Variants in KDM4C observed in about 807,000 individuals in gnomAD.
The protein encoded by KDM4C is lysine demethylase 4C.
Under a neutral mutation model 129.3 loss-of-function variants are expected in KDM4C, and 81 were observed. The ratio of observed to expected loss-of-function variants is 0.63; its 90% CI spans 0.52 to 0.75. The LOEUF (loss-of-function observed/expected upper bound fraction) is 0.75. Among genes scored for constraint, KDM4C ranks in the 30% least tolerant of loss-of-function variants. KDM4C has a pLI of 0.00. For synonymous variants in KDM4C, 573 were observed against 456.1 expected (o/e 1.26, Z -3.26); for missense variants, 1,457 against 1,304.0 (o/e 1.12, Z -1.81).
intron 18 of KDM4C, among the ~76,000 whole-genome samples, chr9:7,107,902 T>C (rs1462771558): frequency 6.6e-6 from 1 of 152,232 alleles, no homozygotes; most frequent in East Asian, 1.9e-4. Context: ...AGCACTTGGC[T>C]ATCCATAGGA....
intron 1 of KDM4C, among the ~76,000 whole-genome samples, chr9:6,785,282 G>A (rs897029702): frequency 1.3e-5 from 2 of 151,442 alleles, no homozygotes; most frequent in African/African-American, 4.9e-5. Context: ...CATGACTCTA[G>A]TCCCTGCCTC....
rs1344691886 is a variant in KDM4C at position 6,867,015 on chromosome 9, ATATTT to A, written c.630-12995_630-12991del. Among the ~76,000 whole-genome samples, 901 of 114,244 alleles carry A rather than the reference ATATTT, an allele frequency of 7.9e-3. 17 individuals carry two copies. Among genetic ancestry groups the A allele is most frequent in the East Asian group, 0.056 (232 of 4,122 alleles). The allele number at this position is 114,244 out of a possible 152,430, so 74.9% of individuals were successfully genotyped here. On this transcript the variant is annotated intron_variant, in intron 5 of 21. Coordinates refer to ENST00000381309, the MANE Select transcript of KDM4C (RefSeq NM_015061.6). Reference sequence around the variant, plus strand: ...TGTGTGTGTGTATATATATATATATATATTTTTTTTTTTTTTTGGAAGATGGAATC... The same window carrying A: ...TGTGTGTGTGTATATATATATATATATTTTTTTTTTTTGGAAGATGGAATC...
intron 8 of KDM4C, among the ~76,000 whole-genome samples, chr9:6,915,743 G>C (rs1463932968): frequency 6.6e-6 from 1 of 152,078 alleles, no homozygotes; most frequent in Non-Finnish European, 1.5e-5. Flanking sequence ...CTGTATCCAA[G>C]GTATAGCCTT....
chr9:6,919,873 C>T (rs1430245114), intron 8 of KDM4C, among the ~76,000 whole-genome samples: 2 of 152,014 alleles, frequency 1.3e-5, no homozygotes, highest in Non-Finnish European at 2.9e-5. Context: ...CTGCACCTGG[C>T]CATATTTATT....
intron 1 of KDM4C, among the ~76,000 whole-genome samples, chr9:6,752,322 A>G (rs1240490021): frequency 4.6e-5 from 5 of 109,464 alleles, no homozygotes; most frequent in Non-Finnish European, 7.4e-5. Flanking sequence ...GACAGAGCGA[A>G]ACTCCGTCTC....
In KDM4C at chr9:6,944,652, G is replaced by GTTTTTTTTTTTTTTT. The variant is rs1158199897; in HGVS notation, c.922-36265_922-36251dup. On this transcript the variant is annotated intron_variant, in intron 8 of 21. Coordinates refer to ENST00000381309, the MANE Select transcript of KDM4C (RefSeq NM_015061.6). ...CAACACACTTTTTGTCAAGGTAGAG[G>GTTTTTTTTTTTTTTT]TTTTTTTTTTTTTTTTTTTTTTGCC... Among the ~76,000 whole-genome samples the GTTTTTTTTTTTTTTT allele has an allele frequency of 6.1e-3, 496 of 80,986 alleles. 93 individuals carry two copies. The highest frequency in any genetic ancestry group is 0.019 in the East Asian group (42 of 2,214). 53.1% of individuals were successfully genotyped at this position (80,986 alleles called of 152,430 possible).
chr9:6,962,952 A>G (rs1415796000), intron 8 of KDM4C, among the ~76,000 whole-genome samples: 1 of 152,224 alleles, frequency 6.6e-6, no homozygotes, highest in Non-Finnish European at 1.5e-5. Context: ...GATACATATA[A>G]GCTGTTTATG....
intron 15 of KDM4C, among the ~76,000 whole-genome samples, chr9:7,037,396 C>T (rs904704209): frequency 2.0e-5 from 3 of 152,144 alleles, no homozygotes; most frequent in African/African-American, 7.2e-5. Flanking sequence ...ACATGATTTC[C>T]CTCGGCTGCA....
chr9:6,905,157 C>G (rs1818096856), intron 8 of KDM4C, among the ~76,000 whole-genome samples: 1 of 152,106 alleles, frequency 6.6e-6, no homozygotes, highest in Non-Finnish European at 1.5e-5. Flanking sequence ...TAAATGCAAG[C>G]TTTTCTATTT....
chr9:6,841,731 C>T (rs568606236), intron 4 of KDM4C, among the ~76,000 whole-genome samples: 1 of 152,314 alleles, frequency 6.6e-6, no homozygotes, highest in African/African-American at 2.4e-5. Context: ...GTGACTATAG[C>T]TATTCCACTT....
At chr9:6,874,423 G>C (rs980109843) in intron 5 of KDM4C, among the ~76,000 whole-genome samples, 11 of 152,036 alleles carry the variant, frequency 7.2e-5, no homozygotes, top group African/African-American at 2.7e-4. Flanking sequence ...CTCATTCAGG[G>C]CATTCTGTTT....
intron 1 of KDM4C, chr9:6,723,548 C>G (rs1817026655): frequency 6.6e-6 from 1 of 151,848 alleles, no homozygotes; most frequent in Non-Finnish European, 1.5e-5. Context: ...CCACTCTGCT[C>G]CAGTCAACCC....
intron 5 of KDM4C, among the ~76,000 whole-genome samples, chr9:6,876,122 C>G (rs1286703404): frequency 6.6e-6 from 1 of 152,126 alleles, no homozygotes; most frequent in Non-Finnish European, 1.5e-5. Flanking sequence ...TTTTATGTGC[C>G]TGTCTGACCC....
At chr9:7,170,586 T>C (rs1448000639) in intron 21 of KDM4C, 1 of 950,578 alleles carries the variant, frequency 1.1e-6, no homozygotes, top group African/African-American at 1.8e-5. Flanking sequence ...CATAAAATAT[T>C]CAGTGGACCC....
chr9:6,859,795 G>C lies in KDM4C; in HGVS notation c.629+10095G>C, dbSNP rs544950422. On this transcript the variant is annotated intron_variant, in intron 5 of 21. Coordinates refer to ENST00000381309, the MANE Select transcript of KDM4C (RefSeq NM_015061.6). ...CAAGAGAATGGCGTGAACCTGAGATGCGGAGCTTGTAGCAAGCCGAGATCG... is the reference window on the plus strand; with the variant it reads ...CAAGAGAATGGCGTGAACCTGAGATCCGGAGCTTGTAGCAAGCCGAGATCG... Among the ~76,000 whole-genome samples the C allele has an allele frequency of 3.5e-3, 525 of 151,052 alleles. 4 individuals carry two copies. The highest frequency in any genetic ancestry group is 5.2e-3 in the Non-Finnish European group (354 of 67,840).
At chr9:7,121,586 G>T (rs1839491636) in intron 18 of KDM4C, among the ~76,000 whole-genome samples, 1 of 152,078 alleles carries the variant, frequency 6.6e-6, no homozygotes, top group African/African-American at 2.4e-5. Context: ...AAGATTTTTG[G>T]GCAGTTTGGA....
At chr9:7,160,708 C>G (rs944433365) in intron 19 of KDM4C, among the ~76,000 whole-genome samples, 2 of 152,180 alleles carry the variant, frequency 1.3e-5, no homozygotes, top group Non-Finnish European at 2.9e-5. Context: ...GAAGCTTCGT[C>G]CCAGAAGGGG....
intron 18 of KDM4C, among the ~76,000 whole-genome samples, chr9:7,117,308 T>C (rs1171959730): frequency 6.6e-6 from 1 of 152,162 alleles, no homozygotes; most frequent in Admixed American, 6.5e-5. Flanking sequence ...TGGGTTACCT[T>C]GTTCAATAAC....
At chr9:6,948,529 C>T (rs571155243) in intron 8 of KDM4C, among the ~76,000 whole-genome samples, 1 of 141,210 alleles carries the variant, frequency 7.1e-6, no homozygotes, top group Non-Finnish European at 1.5e-5. Context: ...GTGTTTCTCG[C>T]AGAGGGGGAT....
Sources: gnomAD v4.1 joint callset for allele counts (sites outside exome capture counted in the v4.1 genomes callset) on GRCh38, gnomAD v4.1.1 for gene constraint, MANE v1.5 for transcripts, NCBI Gene and HGNC (gene_info 2026-07-23, HGNC 2026-07-21) for gene names.